Variants in SORCS3 observed in about 807,000 individuals in gnomAD.
SORCS3 encodes VPS10 domain-containing receptor SorCS3.
SORCS3 carries 57 observed loss-of-function variants against 146.3 expected under a neutral mutation model. The observed-to-expected ratio is 0.39, with a 90% confidence interval of 0.31 to 0.49. The LOEUF (loss-of-function observed/expected upper bound fraction) is 0.49, where lower values mean the gene tolerates loss of function less well. Among genes scored for constraint, SORCS3 ranks in the 20% least tolerant of loss-of-function variants. The pLI, the probability that SORCS3 is intolerant of heterozygous loss-of-function variation, is 0.92. For synonymous variants in SORCS3, 653 were observed against 618.5 expected, an observed-to-expected ratio of 1.06 and a Z score of -0.83; for missense variants, 1,341 against 1,575.5, an observed-to-expected ratio of 0.85 and a Z score of 2.52.
chr10:105,207,982 G>T (rs1204847120), intron 16 of SORCS3, among the ~76,000 whole-genome samples: 1 of 152,128 alleles, frequency 6.6e-6, no homozygotes, highest in Non-Finnish European at 1.5e-5. Flanking sequence ...AACAACTGGA[G>T]AATTTTTGAT....
rs138996135 is a variant in SORCS3 at position 105,062,309 on chromosome 10, A to G, written c.1028+19181A>G. ...GCAGACTGTGTAGGTTTAAACTGCT[A>G]ATTAGCTGTGTGTCTTGGGCACCCA... On this transcript the variant is annotated intron_variant, in intron 5 of 26. Coordinates refer to ENST00000369701, the MANE Select transcript of SORCS3 (RefSeq NM_014978.3). 2.9e-3 allele frequency among the ~76,000 whole-genome samples: 435 copies of G among 152,272 alleles called. 2 individuals carry two copies. The highest frequency in any genetic ancestry group is 0.014 in the Middle Eastern group (4 of 294).
chr10:105,240,960 A>G (rs1589704709), intron 20 of SORCS3, among the ~76,000 whole-genome samples: 2 of 150,978 alleles, frequency 1.3e-5, no homozygotes, highest in East Asian at 3.9e-4. Context: ...ATATATATAT[A>G]TATCTATATC....
At chr10:104,842,545 C>CATGTTT (rs1434337695) in intron 1 of SORCS3, among the ~76,000 whole-genome samples, 1 of 152,156 alleles carries the variant, frequency 6.6e-6, no homozygotes, top group Non-Finnish European at 1.5e-5. Flanking sequence ...TTCCTGTTGG[C>CATGTTT]ATGTTTTATT....
chr10:104,737,379 GT>G (rs2016787002), intron 1 of SORCS3, among the ~76,000 whole-genome samples: 1 of 152,104 alleles, frequency 6.6e-6, no homozygotes, highest in Admixed American at 6.5e-5. Flanking sequence ...GGTTGAACTA[GT>G]TTACAGTCCC....
chr10:104,652,067 G>GCA lies in SORCS3; in HGVS notation c.627+10113_627+10114insCA, dbSNP rs1217900483. ...TTTTAAATATATTTTAAATGTGTGT[G>GCA]TGTGTGTGTGTGTGTGTGTGTGTGT... On this transcript the variant is annotated intron_variant, in intron 1 of 26. Coordinates refer to ENST00000369701, the MANE Select transcript of SORCS3 (RefSeq NM_014978.3). Among the ~76,000 whole-genome samples, 112 of 151,508 alleles carry GCA rather than the reference G, an allele frequency of 7.4e-4. 1 individual carries two copies. Among genetic ancestry groups the GCA allele is most frequent in the African/African-American group, 2.4e-3 (100 of 41,302 alleles).
At chr10:105,162,013 G>A (rs1190246091) in intron 11 of SORCS3, among the ~76,000 whole-genome samples, 1 of 152,074 alleles carries the variant, frequency 6.6e-6, no homozygotes, top group Non-Finnish European at 1.5e-5. Flanking sequence ...CCCTGCCCCT[G>A]CAGGGGCAAG....
chr10:104,644,166 T>C (rs1156959585), intron 1 of SORCS3, among the ~76,000 whole-genome samples: 1 of 152,178 alleles, frequency 6.6e-6, no homozygotes, highest in African/African-American at 2.4e-5. Flanking sequence ...GCAATGAGAT[T>C]GGACAATGTA....
At chr10:104,881,126 C>G (rs986565074) in intron 2 of SORCS3, among the ~76,000 whole-genome samples, 1 of 152,164 alleles carries the variant, frequency 6.6e-6, no homozygotes, top group Non-Finnish European at 1.5e-5. Flanking sequence ...ATATTTAATG[C>G]AGATTTAAAA....
intron 20 of SORCS3, among the ~76,000 whole-genome samples, chr10:105,226,251 G>T (rs776952488): frequency 6.6e-6 from 1 of 151,774 alleles, no homozygotes; most frequent in Non-Finnish European, 1.5e-5. Flanking sequence ...GGTTTTTTGA[G>T]ACTTTTTATC....
At chr10:105,254,565 C>T (rs2056919137) in intron 23 of SORCS3, among the ~76,000 whole-genome samples, 1 of 152,212 alleles carries the variant, frequency 6.6e-6, no homozygotes, top group South Asian at 2.1e-4. Context: ...TCTTCAAGTC[C>T]TGCAGTTGGC....
At chr10:105,182,916 TG>T (rs2056451865) in intron 14 of SORCS3, among the ~76,000 whole-genome samples, 1 of 152,160 alleles carries the variant, frequency 6.6e-6, no homozygotes, top group African/African-American at 2.4e-5. Context: ...TTGCCCAAGC[TG>T]TTCTTGAATT....
rs193114140 is a variant in SORCS3, at chr10:104,883,979, G to T, written c.696-31854G>T. 1.5e-4 allele frequency among the ~76,000 whole-genome samples: 22 copies of T among 149,130 alleles called. No homozygotes were observed. The East Asian group carries it at 2.3e-3, about 16-fold the overall frequency. On this transcript the variant is annotated intron_variant, in intron 2 of 26. Transcript: ENST00000369701. ...ATCCACTGTTCTGCTGTGGAATGAG[G>T]GGGGGGAAAGGGTCCTACCCTATCT...
At chr10:104,654,112 T>G (rs569317208) in intron 1 of SORCS3, among the ~76,000 whole-genome samples, 1 of 152,326 alleles carries the variant, frequency 6.6e-6, no homozygotes, top group South Asian at 2.1e-4. Context: ...CTTCCATCCA[T>G]GTTTTTGCAA....
chr10:105,062,548 C>T (rs1352886536), intron 5 of SORCS3, among the ~76,000 whole-genome samples: 1 of 151,996 alleles, frequency 6.6e-6, no homozygotes, highest in Non-Finnish European at 1.5e-5. Context: ...ACGATAGGGA[C>T]CCGGTGTAGT....
intron 1 of SORCS3, among the ~76,000 whole-genome samples, chr10:104,657,127 T>G (rs1410365576): frequency 6.6e-6 from 1 of 152,130 alleles, no homozygotes; most frequent in Admixed American, 6.5e-5. Flanking sequence ...TTTGTGCCTT[T>G]GGGGTGGCCA....
chr10:105,182,623 G>A (rs137918253), intron 14 of SORCS3, among the ~76,000 whole-genome samples: 4 of 152,208 alleles, frequency 2.6e-5, no homozygotes, highest in African/African-American at 7.2e-5. Context: ...GAAGAAGTAC[G>A]ATAAATACAT....
chr10:105,021,202 G>T (rs578008231), intron 4 of SORCS3, among the ~76,000 whole-genome samples: 1 of 152,292 alleles, frequency 6.6e-6, no homozygotes, highest in Admixed American at 6.5e-5. Context: ...CTAGCTGCTG[G>T]AAAGTCCAAG....
intron 3 of SORCS3, among the ~76,000 whole-genome samples, chr10:104,926,844 G>T (rs544144992): frequency 1.8e-3 from 276 of 152,228 alleles, no homozygotes; most frequent in Middle Eastern, 0.01. Flanking sequence ...TCATTAAAAT[G>T]ATTACTAGTT....
chr10:105,118,086 T>G (rs1430703345), intron 7 of SORCS3, among the ~76,000 whole-genome samples: 1 of 152,192 alleles, frequency 6.6e-6, no homozygotes, highest in Non-Finnish European at 1.5e-5. Flanking sequence ...TGATATGGTT[T>G]GGCTGTGTCC....
Sources: allele counts gnomAD v4.1 joint callset (sites outside exome capture counted in the v4.1 genomes callset), GRCh38; gene constraint gnomAD v4.1.1; transcripts MANE v1.5; gene names NCBI Gene and HGNC (gene_info 2026-07-23, HGNC 2026-07-21).